CALN1: variants seen among roughly 807,000 people sequenced by gnomAD.
The protein encoded by CALN1 is calneuron 1.
Under a neutral mutation model 30.6 loss-of-function variants are expected in CALN1, and 17 were observed. The ratio of observed to expected loss-of-function variants is 0.56; its 90% CI spans 0.38 to 0.83. The LOEUF is 0.83. CALN1 is among the 40% of genes least tolerant of loss of function. CALN1 has a pLI of 0.00. For missense variants in CALN1, 291 were observed against 354.9 expected, an observed-to-expected ratio of 0.82 and a Z score of 1.45; for synonymous variants, 156 against 131.4, an observed-to-expected ratio of 1.19 and a Z score of -1.28.
chr7:72,354,554 A>G (rs2129559465), intron 2 of CALN1, among the ~76,000 whole-genome samples: 1 of 152,312 alleles, frequency 6.6e-6, no homozygotes. Flanking sequence ...CTTAACTATA[A>G]AGCTAATCAA....
chr7:72,474,879 GCCCAGGCTTCATTAT>G, the CALN1 span, among the ~76,000 whole-genome samples: 1 of 152,058 alleles, frequency 6.6e-6, no homozygotes, highest in Non-Finnish European at 1.5e-5. Flanking sequence ...CCTTGACTTT[GCCCAGGCTTCATTAT>G]CCCCCTGAAC....
intron 5 of CALN1, among the ~76,000 whole-genome samples, chr7:71,923,044 TATAC>T (rs1281002834): frequency 6.6e-6 from 1 of 151,606 alleles, no homozygotes; most frequent in Non-Finnish European, 1.5e-5. Context: ...TATACTATAC[TATAC>T]AGCCAGCACA....
At chr7:71,838,886 A>G (rs1340130723) in intron 5 of CALN1, among the ~76,000 whole-genome samples, 1 of 152,080 alleles carries the variant, frequency 6.6e-6, no homozygotes, top group African/African-American at 2.4e-5. Flanking sequence ...CTGAACTGTG[A>G]GTCAATTAAA....
intron 5 of CALN1, among the ~76,000 whole-genome samples, chr7:71,940,954 C>A (rs1796098446): frequency 6.6e-6 from 1 of 152,110 alleles, no homozygotes; most frequent in Admixed American, 6.6e-5. Flanking sequence ...ACAAATTACT[C>A]CACTATATCC....
chr7:71,847,788 GAA>G (rs1562835621), intron 5 of CALN1, among the ~76,000 whole-genome samples: 2 of 146,800 alleles, frequency 1.4e-5, no homozygotes, highest in Non-Finnish European at 3.0e-5. Context: ...AGAAGAAGAA[GAA>G]GAAGAAAAGA....
At chr7:72,172,344 C>G (rs1389319464) in intron 3 of CALN1, among the ~76,000 whole-genome samples, 1 of 152,192 alleles carries the variant, frequency 6.6e-6, no homozygotes, top group Non-Finnish European at 1.5e-5. Flanking sequence ...ACATTCAGAC[C>G]ATTTGTACCT....
intron 5 of CALN1, among the ~76,000 whole-genome samples, chr7:71,826,496 G>A (rs1037056008): frequency 1.3e-5 from 2 of 152,148 alleles, no homozygotes; most frequent in African/African-American, 4.8e-5. Context: ...ACCTGCCCTT[G>A]AATACCTAGG....
chr7:72,408,040 G>A (rs1402200004), intron 1 of CALN1, among the ~76,000 whole-genome samples: 3 of 152,090 alleles, frequency 2.0e-5, no homozygotes, highest in Admixed American at 1.3e-4. Context: ...GCATTTAGGC[G>A]CAGGCAGGAG....
intron 4 of CALN1, among the ~76,000 whole-genome samples, chr7:72,051,670 A>G (rs2129535937): frequency 6.6e-6 from 1 of 152,340 alleles, no homozygotes; most frequent in Non-Finnish European, 1.5e-5. Flanking sequence ...GAACTGGAAA[A>G]TCTAATTTAA....
chr7:72,106,406 G>A, intron 3 of CALN1, 112 bp from the exon 4 acceptor site: 4 of 1,285,734 alleles, frequency 3.1e-6, no homozygotes, highest in South Asian at 1.4e-5. Flanking sequence ...ACAGTGATTT[G>A]TTAAAACTCT....
chr7:71,866,945 G>A (rs546077401), intron 5 of CALN1, among the ~76,000 whole-genome samples: 3 of 152,204 alleles, frequency 2.0e-5, no homozygotes, highest in Admixed American at 6.5e-5. Flanking sequence ...AGGAGTTCGA[G>A]ACCAGTCTGG....
chr7:72,222,103 G>A (rs1360073611), intron 3 of CALN1, among the ~76,000 whole-genome samples: 1 of 152,080 alleles, frequency 6.6e-6, no homozygotes, highest in African/African-American at 2.4e-5. Context: ...GCACAAGCCT[G>A]TAGTCCCAGC....
upstream of CALN1, among the ~76,000 whole-genome samples, chr7:72,450,617 C>T (rs149121414): frequency 5.7e-3 from 865 of 152,238 alleles, 7 homozygotes; most frequent in African/African-American, 0.019. Flanking sequence ...TGGTGGATCA[C>T]GCCTGTAATC....
chr7:72,194,590 CTCT>C (rs1327593865), intron 3 of CALN1, among the ~76,000 whole-genome samples: 30 of 138,832 alleles, frequency 2.2e-4, no homozygotes, highest in Admixed American at 1.5e-4. Context: ...CCTAACTGGC[CTCT>C]TTTTTTTTTT....
intron 3 of CALN1, among the ~76,000 whole-genome samples, chr7:72,112,672 A>G (rs1211897887): frequency 6.6e-6 from 1 of 152,260 alleles, no homozygotes; most frequent in East Asian, 1.9e-4. Context: ...ATGAATATTT[A>G]CAGATGATTA....
intron 3 of CALN1, among the ~76,000 whole-genome samples, chr7:72,139,223 TC>T (rs1225247590): frequency 6.6e-6 from 1 of 152,198 alleles, no homozygotes; most frequent in Non-Finnish European, 1.5e-5. Flanking sequence ...CCCAGGCGCT[TC>T]CAGAACTGGG....
chr7:72,202,532 G>C (rs1367499191), intron 3 of CALN1, among the ~76,000 whole-genome samples: 1 of 152,200 alleles, frequency 6.6e-6, no homozygotes, highest in African/African-American at 2.4e-5. Flanking sequence ...TCTGAGAAAA[G>C]TACTTAGAAC....
chr7:72,400,165 C>G (rs977385616), intron 2 of CALN1, among the ~76,000 whole-genome samples: 1 of 152,056 alleles, frequency 6.6e-6, no homozygotes, highest in Non-Finnish European at 1.5e-5. Context: ...GAGGAGGCAC[C>G]CCGCTTCTCT....
chr7:72,501,398 G>GAAAAAA, the CALN1 span, among the ~76,000 whole-genome samples: 1 of 54,178 alleles, frequency 1.8e-5, no homozygotes, highest in Non-Finnish European at 3.8e-5. Context: ...AAAAAAAAAA[G>GAAAAAA]ACAAAGAAAA....
Sources: gnomAD v4.1 joint callset for allele counts (sites outside exome capture counted in the v4.1 genomes callset) on GRCh38, gnomAD v4.1.1 for gene constraint, MANE v1.5 for transcripts, NCBI Gene and HGNC (gene_info 2026-07-23, HGNC 2026-07-21) for gene names.